ZIC4: variants seen among roughly 807,000 people sequenced by gnomAD.
ZIC4 encodes Zic family zinc finger 4, also known as zinc finger protein ZIC 4.
In ZIC4, 15 loss-of-function variants were observed where a neutral mutation model predicts 28.8. The ratio of observed to expected loss-of-function variants is 0.52; its 90% confidence interval spans 0.35 to 0.80. The LOEUF (loss-of-function observed/expected upper bound fraction) is 0.80, where lower values mean the gene tolerates loss of function less well. ZIC4 is among the 30% of genes least tolerant of loss of function. The probability of loss-of-function intolerance (pLI) is 0.01; values close to 1 mark genes in which losing one functional copy is unlikely to be tolerated. For missense variants in ZIC4, 512 were observed against 467.1 expected, an observed-to-expected ratio of 1.10 and a Z score of -0.89; for synonymous variants, 220 against 198.1, an observed-to-expected ratio of 1.11 and a Z score of -0.93.
chr3:147,388,851 G>A lies in ZIC4; in HGVS notation c.*8C>T, dbSNP rs879803532. 2.6e-6 allele frequency: 2 copies of A among 780,210 alleles called. No homozygotes were observed. Among genetic ancestry groups the A allele is most frequent in the Admixed American group, 1.7e-5 (1 of 58,754 alleles). 48.3% of individuals were successfully genotyped at this position (780,210 alleles called of 1,614,324 possible). A position where few individuals can be genotyped will look rare whatever the true frequency, so the allele number is the denominator to read the frequency against. On this transcript the variant is annotated 3_prime_UTR_variant, in exon 5 of 5. Coordinates refer to ENST00000383075, the MANE Select transcript of ZIC4 (RefSeq NM_032153.6). ...AGCGAGATTACCTTGCGAGCAACGC[G>A]GTGGACATCTGTAACAAGCAAATGA... is the stretch of plus-strand genomic sequence containing the variant.
chr3:147,404,137 T>A (rs1222753245), intron 1 of ZIC4: 1 of 1,532,002 alleles, frequency 6.5e-7, no homozygotes, highest in African/African-American at 1.4e-5. Flanking sequence ...CATGGCAGGA[T>A]GTCTGGCATG....
intron 2 of ZIC4, among the ~76,000 whole-genome samples, chr3:147,399,491 C>T (rs1039348117): frequency 3.9e-5 from 6 of 152,160 alleles, no homozygotes; most frequent in African/African-American, 1.4e-4. Flanking sequence ...CATCTTAACA[C>T]CAAACTTGTT....
chr3:147,405,472 C>T (rs1486455249), intron 1 of ZIC4: 2 of 1,537,236 alleles, frequency 1.3e-6, no homozygotes, highest in South Asian at 2.4e-5. Flanking sequence ...GGCCATTCAT[C>T]AACCCCAACT....
At chr3:147,391,292 C>G in intron 3 of ZIC4, 46 bp from the exon 4 acceptor site, 1 of 1,510,214 alleles carries the variant, frequency 6.6e-7, no homozygotes. Context: ...GGTCGTGTTC[C>G]CGTCAGGTGC....
chr3:147,388,612 C>T lies in ZIC4; in HGVS notation c.*247G>A. The T allele has an allele frequency of 2.0e-6, 1 of 492,698 alleles. No individual in the cohort carries two copies. Among genetic ancestry groups the T allele is most frequent in the East Asian group, 3.2e-5 (1 of 31,714 alleles). The allele number at this position is 492,698 out of a possible 1,614,324, so 30.5% of individuals were successfully genotyped here. On this transcript the variant is annotated 3_prime_UTR_variant, in exon 5 of 5. Coordinates refer to ENST00000383075, the MANE Select transcript of ZIC4 (RefSeq NM_032153.6). ...TCAAACAAAAATATATACTTGTATA[C>T]ACAAGAAAAAAGGTCTGTTAGACGT...
At chr3:147,389,878 T>C (rs16859408) in intron 4 of ZIC4, among the ~76,000 whole-genome samples, 26,246 of 151,960 alleles carry the variant, frequency 0.17, 2,357 homozygotes, top group East Asian at 0.23. Flanking sequence ...AGGTCAGGTC[T>C]CTCCACTTTA....
intron 3 of ZIC4, among the ~76,000 whole-genome samples, chr3:147,393,227 C>G (rs909171975): frequency 6.6e-6 from 1 of 151,998 alleles, no homozygotes; most frequent in Non-Finnish European, 1.5e-5. Context: ...TTATTTCGCT[C>G]CAGACGAGGA....
intron 3 of ZIC4, among the ~76,000 whole-genome samples, chr3:147,394,271 C>A (rs1393479764): frequency 1.3e-5 from 2 of 150,766 alleles, no homozygotes; most frequent in Admixed American, 1.3e-4. Context: ...TTCCCCCACC[C>A]CCCACCGCTA....
chr3:147,398,483 C>T (rs1246487689), intron 2 of ZIC4, among the ~76,000 whole-genome samples: 1 of 147,586 alleles, frequency 6.8e-6, no homozygotes, highest in Non-Finnish European at 1.5e-5. Flanking sequence ...AGTTCTGGCT[C>T]AGTCGAGTGT....
rs755472014 is a variant in ZIC4, at chr3:147,396,304, G to A, written c.236C>T (p.Pro79Leu). 2.5e-6 allele frequency: 4 copies of A among 1,603,468 alleles called. No individual in the cohort carries two copies. The highest frequency in any genetic ancestry group is 1.3e-5 in the African/African-American group (1 of 74,372). The change falls in exon 3 of 5, where the codon CCG becomes CTG. Residue 79 changes from proline (P) to leucine (L), a missense_variant. By Grantham distance (98) the Pro-to-Leu change is moderately conservative (BLOSUM62 -3). Around this residue, in one of 3 missense-constraint regions of ZIC4, gnomAD observed 310 missense variants for 256.5 expected, o/e 1.21. Transcript: ENST00000383075. The surrounding 1 kb of genome is among the most constrained non-coding windows in gnomAD (Gnocchi z 4.2). ...GTCGCTGCGGGCCGCAGGCCCTGGC[G>A]GGAAGGGCTCCGGCCGCGCGTACAT... ...GDMYARPEPF[P>L]PGPAARSDAL... is the part of the protein sequence containing the mutation.
At chr3:147,405,495 CT>C in intron 1 of ZIC4, 1 of 1,536,206 alleles carries the variant, frequency 6.5e-7, no homozygotes, top group Non-Finnish European at 8.7e-7. Context: ...CAGATCCAAC[CT>C]TTGAGCCAGT....
At position 147,386,324 on chromosome 3, in the gene ZIC4, T is replaced by G. The variant is rs1180561160; in HGVS notation, c.*2535A>C. On this transcript the variant is annotated 3_prime_UTR_variant, in exon 5 of 5. Transcript: ENST00000383075. ...ACAGTGTGGGTAGAGAGGGTACAAA[T>G]AGTCTAAAGATTTCAGCCAGGCTTT... is the stretch of plus-strand genomic sequence containing the variant. 6.6e-6 allele frequency: 1 copy of G among 152,538 alleles called. No individual in the cohort carries two copies. The highest frequency in any genetic ancestry group is 1.5e-5 in the Non-Finnish European group (1 of 68,042). The allele number at this position is 152,538 out of a possible 1,614,324, so 9.4% of individuals were successfully genotyped here. A position where few individuals can be genotyped will look rare whatever the true frequency, so the allele number is the denominator to read the frequency against.
At position 147,396,622 on chromosome 3, in the gene ZIC4, T is replaced by C; in HGVS notation, c.71-153A>G. ...CAGACAGCGCCAGCAGTGAACCCGG[T>C]GGACAGAGCAAGGCCAAACACCTCC... is the stretch of plus-strand genomic sequence containing the variant. On this transcript the variant is annotated intron_variant, in intron 2 of 4. Transcript: ENST00000383075. This position sits in a 1 kb window ranked among gnomAD's most constrained non-coding sequence, Gnocchi z 4.2. The C allele has an allele frequency of 9.7e-7, 1 of 1,028,704 alleles. No homozygotes were observed. The highest frequency in any genetic ancestry group is 2.2e-5 in the South Asian group (1 of 46,044). 63.7% of individuals were successfully genotyped at this position (1,028,704 alleles called of 1,614,324 possible).
chr3:147,399,538 C>A (rs1322147193), intron 2 of ZIC4, among the ~76,000 whole-genome samples: 1 of 152,162 alleles, frequency 6.6e-6, no homozygotes, highest in Non-Finnish European at 1.5e-5. Flanking sequence ...TGCAGGGGAA[C>A]TTCTGCAATA....
At chr3:147,405,226 T>C in intron 1 of ZIC4, 2 of 739,066 alleles carry the variant, frequency 2.7e-6, no homozygotes, top group Non-Finnish European at 2.2e-6. Context: ...AGAGTTTGTA[T>C]CAGTAGATCA....
In ZIC4 at chr3:147,386,661, G is replaced by A. The variant is rs976429304; in HGVS notation, c.*2198C>T. 1.3e-5 allele frequency: 2 copies of A among 152,238 alleles called. No individual in the cohort carries two copies. Among genetic ancestry groups the A allele is most frequent in the African/African-American group, 4.8e-5 (2 of 41,452 alleles). The allele number at this position is 152,238 out of a possible 1,614,324, so 9.4% of individuals were successfully genotyped here. A position where few individuals can be genotyped will look rare whatever the true frequency, so the allele number is the denominator to read the frequency against. On this transcript the variant is annotated 3_prime_UTR_variant, in exon 5 of 5. Coordinates refer to ENST00000383075, the MANE Select transcript of ZIC4 (RefSeq NM_032153.6). Reference sequence around the variant, plus strand: ...TTGGGGAAACCTGAACTGGGTGAAAGTTTCTTTGCTGGGCACAATATAAAA... The same window carrying A: ...TTGGGGAAACCTGAACTGGGTGAAAATTTCTTTGCTGGGCACAATATAAAA...
chr3:147,390,399 G>T (rs1459024704), intron 4 of ZIC4, among the ~76,000 whole-genome samples: 1 of 152,054 alleles, frequency 6.6e-6, no homozygotes, highest in East Asian at 1.9e-4. Context: ...TTAATGTGGG[G>T]GAGGGGAGGG....
At chr3:147,394,881 T>C (rs1273283927) in intron 3 of ZIC4, among the ~76,000 whole-genome samples, 3 of 152,068 alleles carry the variant, frequency 2.0e-5, no homozygotes, top group Non-Finnish European at 1.5e-5. Context: ...CCAGCAAGAA[T>C]AGGGGCGAGT....
At position 147,396,310 on chromosome 3, in the gene ZIC4, G is replaced by A. The variant is rs1312189614; in HGVS notation, c.230C>T (p.Pro77Leu). Residue 77 changes from proline (P) to leucine (L), a missense_variant, in exon 3 of 5, where the codon CCC (proline) becomes CTC (leucine). Pro to Leu is a moderately conservative substitution (Grantham distance 98, BLOSUM62 -3). Around this residue, in one of 3 missense-constraint regions of ZIC4, gnomAD observed 310 missense variants for 256.5 expected, o/e 1.21. Transcript: ENST00000383075. The surrounding 1 kb of genome is among the most constrained non-coding windows in gnomAD (Gnocchi z 4.2). ...GCGGGCCGCAGGCCCTGGCGGGAAG[G>A]GCTCCGGCCGCGCGTACATGTCTCC... is the stretch of plus-strand genomic sequence containing the variant. ...LPGDMYARPEPFPPGPAARSD... is the reference protein window; with the variant it reads ...LPGDMYARPELFPPGPAARSD... The A allele has an allele frequency of 6.3e-7, 1 of 1,598,506 alleles. No individual in the cohort carries two copies. The highest frequency in any genetic ancestry group is 1.7e-5 in the Admixed American group (1 of 57,372).
Sources: gnomAD v4.1 joint callset for allele counts (sites outside exome capture counted in the v4.1 genomes callset) on GRCh38, gnomAD v4.1.1 for gene constraint, gnomAD v4.1.1 regional missense constraint, Gnocchi (gnomAD v3.1) non-coding constraint, MANE v1.5 for transcripts, NCBI Gene and HGNC (gene_info 2026-07-23, HGNC 2026-07-21) for gene names.